Variants in PDIA5 observed in about 807,000 individuals in gnomAD.
The protein encoded by PDIA5 is protein disulfide isomerase family A member 5.
Under a neutral mutation model 77.6 loss-of-function variants are expected in PDIA5, and 58 were observed. That is an observed-to-expected ratio of 0.75 (90% CI 0.61 to 0.93). The LOEUF (loss-of-function observed/expected upper bound fraction) is 0.93. Ranked by LOEUF, PDIA5 falls within the 40% of genes least tolerant of loss-of-function variation. The pLI is 0.00. For synonymous variants in PDIA5, 250 were observed against 252.1 expected, an observed-to-expected ratio of 0.99 and a Z score of 0.08; for missense variants, 630 against 647.7, an observed-to-expected ratio of 0.97 and a Z score of 0.30.
chr3:123,107,318 A>G (rs1381945063), intron 6 of PDIA5, among the ~76,000 whole-genome samples: 1 of 152,114 alleles, frequency 6.6e-6, no homozygotes, highest in Non-Finnish European at 1.5e-5. Context: ...TTATGCTTCA[A>G]TTTCCAAATT....
At chr3:123,081,852 G>A (rs534614308) in intron 1 of PDIA5, among the ~76,000 whole-genome samples, 1 of 152,346 alleles carries the variant, frequency 6.6e-6, no homozygotes, top group East Asian at 1.9e-4. Context: ...AATGTGGCAA[G>A]GACTGTTCTC....
chr3:123,147,100 C>T (rs1035386144), intron 13 of PDIA5, among the ~76,000 whole-genome samples: 1 of 152,188 alleles, frequency 6.6e-6, no homozygotes, highest in Non-Finnish European at 1.5e-5. Context: ...CGTGAACCAC[C>T]ATGTGCAGCC....
chr3:123,081,661 T>G (rs549589409), intron 1 of PDIA5, among the ~76,000 whole-genome samples: 1 of 152,366 alleles, frequency 6.6e-6, no homozygotes, highest in South Asian at 2.1e-4. Context: ...TCCTCAATGT[T>G]AAACTTCTGT....
At chr3:123,090,593 A>G (rs979514869) in intron 2 of PDIA5, among the ~76,000 whole-genome samples, 3 of 152,158 alleles carry the variant, frequency 2.0e-5, no homozygotes, top group Non-Finnish European at 4.4e-5. Flanking sequence ...CTGGTCCCCT[A>G]TGCCCCGCTG....
intron 1 of PDIA5, among the ~76,000 whole-genome samples, chr3:123,081,926 G>A (rs751134853): frequency 6.6e-6 from 1 of 152,196 alleles, no homozygotes; most frequent in Non-Finnish European, 1.5e-5. Context: ...GCTGGGTGGC[G>A]ATCAGCCTCA....
chr3:123,091,187 C>T (rs1184172736), intron 2 of PDIA5, among the ~76,000 whole-genome samples: 10 of 152,158 alleles, frequency 6.6e-5, no homozygotes, highest in African/African-American at 2.2e-4. Flanking sequence ...GTGCCTTCTC[C>T]GAGTGACTCC....
intron 1 of PDIA5, among the ~76,000 whole-genome samples, chr3:123,067,738 G>A (rs1220997317): frequency 1.3e-5 from 2 of 152,204 alleles, no homozygotes; most frequent in East Asian, 1.9e-4. Context: ...TGGGGTCGAC[G>A]TAGCCCGCCC....
chr3:123,091,310 A>G (rs566756189), intron 2 of PDIA5, among the ~76,000 whole-genome samples: 1 of 152,326 alleles, frequency 6.6e-6, no homozygotes, highest in Non-Finnish European at 1.5e-5. Context: ...GCGGAGGCAC[A>G]TAATTCAGAC....
At chr3:123,085,201 T>C (rs1934105195) in intron 1 of PDIA5, among the ~76,000 whole-genome samples, 1 of 152,236 alleles carries the variant, frequency 6.6e-6, no homozygotes, top group African/African-American at 2.4e-5. Context: ...ATGTTTATAA[T>C]ACTGGTCAAA....
Position 123,129,370 on chromosome 3 carries a change from C to T in PDIA5, c.774-1110C>T, listed in dbSNP as rs1037488525. ...GGAGGCCATGGTGGCCAGTGGGGCC[C>T]AGTCAGAAGGGCCAGAGAGGGCTTC... On this transcript the variant is annotated intron_variant, in intron 10 of 16. Transcript: ENST00000316218. Among the ~76,000 whole-genome samples the T allele has an allele frequency of 2.0e-5, 3 of 152,192 alleles. No individual in the cohort carries two copies. The East Asian group carries it at 5.8e-4, about 29-fold the overall frequency.
At chr3:123,161,481 A>G (rs1466906876) in intron 16 of PDIA5, 26 bp downstream of exon 16, 1 of 1,608,744 alleles carries the variant, frequency 6.2e-7, no homozygotes, top group Non-Finnish European at 8.5e-7. Context: ...GCGTCTGCCC[A>G]GAGCTCTCTC....
intron 1 of PDIA5, among the ~76,000 whole-genome samples, chr3:123,074,855 A>G (rs1401331216): frequency 2.0e-5 from 3 of 152,250 alleles, no homozygotes; most frequent in Non-Finnish European, 4.4e-5. Context: ...GAAAAAAATT[A>G]TATAACACTT....
At chr3:123,121,408 G>A (rs546522728) in intron 8 of PDIA5, among the ~76,000 whole-genome samples, 4 of 152,222 alleles carry the variant, frequency 2.6e-5, no homozygotes, top group Admixed American at 6.5e-5. Flanking sequence ...TCCACAGGCC[G>A]AGACCAGGTG....
At chr3:123,145,981 A>T in intron 12 of PDIA5, 118 bp from the exon 13 acceptor site, 1 of 920,002 alleles carries the variant, frequency 1.1e-6, no homozygotes, top group Non-Finnish European at 1.7e-6. Flanking sequence ...TGGGCTAGCC[A>T]CCCCAGTTAA....
chr3:123,078,334 G>A (rs1933909853), intron 1 of PDIA5, among the ~76,000 whole-genome samples: 1 of 152,228 alleles, frequency 6.6e-6, no homozygotes, highest in African/African-American at 2.4e-5. Flanking sequence ...GCTGGGCCGG[G>A]AGGAATCAGA....
intron 11 of PDIA5, 30 bp downstream of exon 11, chr3:123,130,646 C>T (rs1250883997): frequency 6.8e-6 from 11 of 1,611,774 alleles, no homozygotes; most frequent in East Asian, 2.2e-5. Context: ...TCCCCCTCCA[C>T]ACCCTCCCCT....
intron 1 of PDIA5, among the ~76,000 whole-genome samples, chr3:123,086,072 G>A (rs1171283173): frequency 6.6e-6 from 1 of 152,066 alleles, no homozygotes; most frequent in African/African-American, 2.4e-5. Flanking sequence ...ATCATTCCTT[G>A]GCTTCCTCCT....
chr3:123,150,160 T>A, intron 13 of PDIA5, 74 bp from the exon 14 acceptor site: 2 of 1,074,778 alleles, frequency 1.9e-6, no homozygotes, highest in Middle Eastern at 2.8e-4. Context: ...GGTTGGGACA[T>A]TGAGGGTGGA....
At chr3:123,157,179 C>T (rs1431345672) in intron 15 of PDIA5, among the ~76,000 whole-genome samples, 1 of 152,182 alleles carries the variant, frequency 6.6e-6, no homozygotes, top group African/African-American at 2.4e-5. Context: ...ACTTCATAAC[C>T]TCTCTGTCTG....
Sources: gnomAD v4.1 joint callset for allele counts (sites outside exome capture counted in the v4.1 genomes callset) on GRCh38, gnomAD v4.1.1 for gene constraint, MANE v1.5 for transcripts, NCBI Gene and HGNC (gene_info 2026-07-23, HGNC 2026-07-21) for gene names.